THSD4: variants seen among roughly 807,000 people sequenced by gnomAD.
The protein encoded by THSD4 is thrombospondin type 1 domain containing 4.
In THSD4, 69 loss-of-function variants were observed where a neutral mutation model predicts 119.0. The ratio of observed to expected loss-of-function variants is 0.58; its 90% CI spans 0.48 to 0.71. THSD4 has a LOEUF of 0.71. Ranked by LOEUF, THSD4 falls within the 30% of genes least tolerant of loss-of-function variation. The pLI, the probability that THSD4 is intolerant of heterozygous loss-of-function variation, is 0.00. For missense variants in THSD4, 1,393 were observed against 1,391.1 expected, an observed-to-expected ratio of 1.00 and a Z score of -0.02; for synonymous variants, 524 against 540.4, an observed-to-expected ratio of 0.97 and a Z score of 0.42.
intron 8 of THSD4, among the ~76,000 whole-genome samples, chr15:71,715,634 C>G (rs1461632073): frequency 6.6e-6 from 1 of 152,002 alleles, no homozygotes; most frequent in Non-Finnish European, 1.5e-5. Context: ...AAAGAAAGAA[C>G]TATCCTATGT....
intron 15 of THSD4, among the ~76,000 whole-genome samples, chr15:71,762,792 G>T (rs2053648422): frequency 6.6e-6 from 1 of 151,826 alleles, no homozygotes; most frequent in Non-Finnish European, 1.5e-5. Context: ...TTTTTGGCTG[G>T]GCACAGTGGC....
chr15:71,224,579 A>G (rs2043999289), intron 4 of THSD4, among the ~76,000 whole-genome samples: 1 of 152,094 alleles, frequency 6.6e-6, no homozygotes, highest in African/African-American at 2.4e-5. Flanking sequence ...CTACACACTT[A>G]GTTGCTTAAA....
At chr15:71,319,405 C>T (rs961526668) in intron 6 of THSD4, among the ~76,000 whole-genome samples, 1 of 143,054 alleles carries the variant, frequency 7.0e-6, no homozygotes, top group Non-Finnish European at 1.5e-5. Context: ...CCCTTCCCCC[C>T]ACCCCACAAC....
intron 10 of THSD4, among the ~76,000 whole-genome samples, chr15:71,735,287 G>T (rs1337667751): frequency 6.6e-6 from 1 of 152,150 alleles, no homozygotes; most frequent in Non-Finnish European, 1.5e-5. Flanking sequence ...GGCACAGGAA[G>T]CTGGTGAGGC....
chr15:71,534,671 CTT>C (rs201655709), intron 7 of THSD4, among the ~76,000 whole-genome samples: 4,235 of 152,230 alleles, frequency 0.028, 90 homozygotes, highest in Non-Finnish European at 0.039. Flanking sequence ...TTATGGCCTA[CTT>C]TTTAAACAGC....
chr15:71,747,577 A>G (rs529298752), intron 13 of THSD4, among the ~76,000 whole-genome samples: 10 of 152,130 alleles, frequency 6.6e-5, no homozygotes, highest in African/African-American at 2.4e-4. Context: ...GGAGACGGGG[A>G]CCCCTTGAAT....
intron 7 of THSD4, among the ~76,000 whole-genome samples, chr15:71,579,928 C>T (rs1358472552): frequency 2.6e-5 from 4 of 151,628 alleles, no homozygotes; most frequent in Admixed American, 2.6e-4. Context: ...GAGGGTGATG[C>T]TCAGCATCGA....
rs547955481 is a variant in THSD4, at chr15:71,495,571, A to G, written c.1152+83748A>G. On this transcript the variant is annotated intron_variant, in intron 7 of 17. Coordinates refer to ENST00000261862, the MANE Select transcript of THSD4 (RefSeq NM_024817.3). ...TTCTTCCCTGTGCTCGGGACATCCAATACCAGACAAGTCAAATAGGACCTG... is the reference window on the plus strand; with the variant it reads ...TTCTTCCCTGTGCTCGGGACATCCAGTACCAGACAAGTCAAATAGGACCTG... Among the ~76,000 whole-genome samples the G allele has an allele frequency of 2.6e-5, 4 of 152,290 alleles. No individual in the cohort carries two copies. The East Asian group carries it at 5.8e-4, about 22-fold the overall frequency.
In THSD4 at chr15:71,141,546, G is replaced by T. The variant is rs1388729382; in HGVS notation, c.19G>T (p.Gly7Trp). The change falls in exon 2 of 18, where the codon GGG (glycine) becomes TGG (tryptophan). Residue 7 changes from glycine (G) to tryptophan (W), a missense_variant. Transcript: ENST00000261862. ...CAGCATCATGGTTTCCCATTTCATG[G>T]GGTCTCTCAGGTAAGTGAAGAAACT... The part of the protein sequence containing the change: MVSHFM[G>W]SLSVLCFLLL... 1.2e-6 allele frequency: 2 copies of T among 1,610,026 alleles called. No individual in the cohort carries two copies. The highest frequency in any genetic ancestry group is 1.7e-6 in the Non-Finnish European group (2 of 1,178,362).
At chr15:71,323,574 T>A (rs2045302741) in intron 6 of THSD4, among the ~76,000 whole-genome samples, 1 of 152,152 alleles carries the variant, frequency 6.6e-6, no homozygotes, top group Admixed American at 6.5e-5. Flanking sequence ...CTTAAAGCTG[T>A]GGGTGCCAGA....
chr15:71,438,730 A>G (rs1030314564), intron 7 of THSD4, among the ~76,000 whole-genome samples: 2 of 152,224 alleles, frequency 1.3e-5, no homozygotes, highest in Non-Finnish European at 2.9e-5. Context: ...TACAAATATT[A>G]GAACATACAT....
intron 12 of THSD4, among the ~76,000 whole-genome samples, chr15:71,746,388 CTTTTTCT>C (rs1567132841): frequency 2.6e-5 from 4 of 151,566 alleles, no homozygotes; most frequent in African/African-American, 2.4e-5. Context: ...CAGACTTTTT[CTTTTTCT>C]TTTTCTTTTC....
chr15:71,736,806 A>G (rs1273637214), intron 10 of THSD4, among the ~76,000 whole-genome samples: 1 of 152,260 alleles, frequency 6.6e-6, no homozygotes, highest in Non-Finnish European at 1.5e-5. Context: ...GTTGACTTCT[A>G]GCAGCTTTTG....
At chr15:71,689,890 G>T (rs2052010354) in intron 8 of THSD4, among the ~76,000 whole-genome samples, 1 of 152,218 alleles carries the variant, frequency 6.6e-6, no homozygotes, top group South Asian at 2.1e-4. Flanking sequence ...CTGAACGTGA[G>T]TGGAGGCTTA....
intron 2 of THSD4, among the ~76,000 whole-genome samples, chr15:71,141,902 A>G (rs589505): frequency 0.31 from 46,793 of 152,034 alleles, 11,476 homozygotes; most frequent in African/African-American, 0.68. Context: ...TCAGGAGTTC[A>G]AGACCACTCT....
chr15:71,672,305 A>G (rs28881505), intron 8 of THSD4, among the ~76,000 whole-genome samples: 15,938 of 152,174 alleles, frequency 0.1, 862 homozygotes, highest in South Asian at 0.17. Flanking sequence ...GCTGGTGTAT[A>G]GGAATGCTTG....
At chr15:71,397,781 C>T (rs1341704189) in intron 6 of THSD4, among the ~76,000 whole-genome samples, 1 of 152,220 alleles carries the variant, frequency 6.6e-6, no homozygotes, top group Non-Finnish European at 1.5e-5. Flanking sequence ...CTTAACCTCT[C>T]TGAGCCAAAG....
intron 7 of THSD4, among the ~76,000 whole-genome samples, chr15:71,613,604 C>G (rs2050269341): frequency 6.6e-6 from 1 of 152,162 alleles, no homozygotes; most frequent in Non-Finnish European, 1.5e-5. Context: ...TACATCCACC[C>G]AAGCAAAACT....
rs556189547 is a variant in THSD4 at position 71,520,436 on chromosome 15, G to T, written c.1152+108613G>T. Among the ~76,000 whole-genome samples, 5 of 152,280 alleles carry T rather than the reference G, an allele frequency of 3.3e-5. No homozygotes were observed. In the East Asian group the frequency reaches 9.7e-4, roughly 29 times the overall value. ...TTCTTGAAGCTTCCCGTGGGGTGGG[G>T]CCCAGGGCCTCCTCACTGGGATTGC... On this transcript the variant is annotated intron_variant, in intron 7 of 17. Transcript: ENST00000261862.
Sources: gnomAD v4.1 joint callset for allele counts (sites outside exome capture counted in the v4.1 genomes callset) on GRCh38, gnomAD v4.1.1 for gene constraint, MANE v1.5 for transcripts, NCBI Gene and HGNC (gene_info 2026-07-23, HGNC 2026-07-21) for gene names.